Variants in MEGF10 observed in about 807,000 individuals in gnomAD.
MEGF10 encodes multiple EGF like domains 10.
A neutral mutation model predicts 147.5 loss-of-function variants in MEGF10; 86 were observed. That is an observed-to-expected ratio of 0.58 (90% CI 0.49 to 0.70). The LOEUF (loss-of-function observed/expected upper bound fraction) is 0.70. Among genes scored for constraint, MEGF10 ranks in the 30% least tolerant of loss-of-function variants. The pLI, the probability that MEGF10 is intolerant of heterozygous loss-of-function variation, is 0.00. For synonymous variants in MEGF10, 478 were observed against 525.5 expected (o/e 0.91, Z 1.24); for missense variants, 1,329 against 1,487.3 (o/e 0.89, Z 1.75).
intron 2 of MEGF10, 90 bp downstream of exon 2, chr5:127,331,514 T>G: frequency 1.3e-6 from 1 of 742,480 alleles, no homozygotes; most frequent in Non-Finnish European, 2.2e-6. Context: ...AATTAGAATT[T>G]GTGAAGAGAT....
chr5:127,448,787 GTTCT>G (rs1346991685), intron 21 of MEGF10, among the ~76,000 whole-genome samples: 1 of 146,974 alleles, frequency 6.8e-6, no homozygotes, highest in African/African-American at 2.5e-5. Context: ...TAGACCAAGA[GTTCT>G]TTTTTTTTTT....
chr5:127,363,212 A>G (rs1405347929), intron 4 of MEGF10, among the ~76,000 whole-genome samples: 1 of 152,172 alleles, frequency 6.6e-6, no homozygotes, highest in Non-Finnish European at 1.5e-5. Flanking sequence ...TAATTTAGTA[A>G]CTGACTCACC....
At chr5:127,271,779 C>T in the MEGF10 span, among the ~76,000 whole-genome samples, 9 of 152,180 alleles carry the variant, frequency 5.9e-5, no homozygotes, top group East Asian at 3.9e-4. Context: ...TTGTAAGTTT[C>T]CTGAGGCCTC....
At chr5:127,355,616 C>T (rs1354595412) in intron 4 of MEGF10, among the ~76,000 whole-genome samples, 1 of 152,182 alleles carries the variant, frequency 6.6e-6, no homozygotes, top group Non-Finnish European at 1.5e-5. Context: ...AATTTTCCCA[C>T]ACATCTATCG....
intron 22 of MEGF10, among the ~76,000 whole-genome samples, chr5:127,451,656 G>A (rs1231151978): frequency 6.6e-6 from 1 of 152,192 alleles, no homozygotes; most frequent in Non-Finnish European, 1.5e-5. Context: ...AGAAGATACG[G>A]CATCACTGTA....
chr5:127,398,854 TCAGTGCATACA>T (rs1764024036), intron 7 of MEGF10, 58 bp downstream of exon 7: 2 of 1,609,714 alleles, frequency 1.2e-6, no homozygotes, highest in Non-Finnish European at 1.7e-6. Flanking sequence ...TCCAGGATAC[TCAGTGCATACA>T]CATGCAGGAG....
At chr5:127,247,769 A>C in the MEGF10 span, among the ~76,000 whole-genome samples, 1 of 152,048 alleles carries the variant, frequency 6.6e-6, no homozygotes, top group Non-Finnish European at 1.5e-5. Flanking sequence ...AGACCAAGTG[A>C]AGATCATTAG....
chr5:127,364,302 A>G lies in MEGF10; in HGVS notation c.320-5608A>G, dbSNP rs1018202451. Among the ~76,000 whole-genome samples, 4 of 152,242 alleles carry G rather than the reference A, an allele frequency of 2.6e-5. No individual in the cohort carries two copies. In the East Asian group the frequency reaches 7.7e-4, roughly 29 times the overall value. ...GTTAACCCACAGCCCTAGACAACCA[A>G]CTAATATCCTGTCTATCCATATGGA... On this transcript the variant is annotated intron_variant, in intron 4 of 24. Transcript: ENST00000503335.
At chr5:127,257,648 C>T in the MEGF10 span, among the ~76,000 whole-genome samples, 1 of 152,108 alleles carries the variant, frequency 6.6e-6, no homozygotes, top group Non-Finnish European at 1.5e-5. Context: ...TTTATTTTGC[C>T]AAGGTTAGGG....
chr5:127,292,696 C>T (rs1205671142), intron 1 of MEGF10, among the ~76,000 whole-genome samples: 3 of 150,712 alleles, frequency 2.0e-5, no homozygotes, highest in Non-Finnish European at 4.4e-5. Context: ...CTACTTGGAA[C>T]AGGTGAGGAG....
rs776403063 is a variant in MEGF10 at position 127,434,692 on chromosome 5, T to A, written c.1846T>A (p.Ser616Thr). Residue 616 changes from serine (S) to threonine (T), a missense_variant, in exon 15 of 25, where the codon TCC (serine) becomes ACC (threonine). This residue lies in a region of MEGF10 where 980 missense variants were observed against 1,085.9 expected (regional missense o/e 0.90). Transcript: ENST00000503335. ...FRGTTCQRIC[S>T]PGFYGHRCSQ... ...GATTTCCCTTCTGTTTTCAGTCTGC[T>A]CCCCTGGTTTTTATGGGCATCGCTG... The A allele has an allele frequency of 1.2e-6, 2 of 1,610,450 alleles. No homozygotes were observed. The highest frequency in any genetic ancestry group is 2.2e-5 in the South Asian group (2 of 90,556).
chr5:127,241,135 A>G, the MEGF10 span, among the ~76,000 whole-genome samples: 1 of 152,206 alleles, frequency 6.6e-6, no homozygotes, highest in Non-Finnish European at 1.5e-5. Context: ...AGGCACTGAT[A>G]TTTATATAAC....
chr5:127,372,979 T>G (rs147380755), intron 5 of MEGF10, among the ~76,000 whole-genome samples: 1 of 152,374 alleles, frequency 6.6e-6, no homozygotes, highest in East Asian at 1.9e-4. Context: ...AATATCTGCC[T>G]ATATTATTTG....
chr5:127,230,724 C>A, the MEGF10 span, among the ~76,000 whole-genome samples: 5 of 152,162 alleles, frequency 3.3e-5, no homozygotes, highest in South Asian at 1.0e-3. Context: ...GAGACTGAGG[C>A]ACGTGGAATC....
chr5:127,273,977 C>A, the MEGF10 span, among the ~76,000 whole-genome samples: 1 of 152,140 alleles, frequency 6.6e-6, no homozygotes, highest in Admixed American at 6.5e-5. Context: ...GACCATGTGA[C>A]CTTAATGAAC....
intron 5 of MEGF10, among the ~76,000 whole-genome samples, chr5:127,376,624 G>A (rs73344999): frequency 0.055 from 8,370 of 152,162 alleles, 489 homozygotes; most frequent in African/African-American, 0.15. Context: ...TGATATAAAA[G>A]GGGGCAGAAG....
At chr5:127,235,605 G>A in the MEGF10 span, among the ~76,000 whole-genome samples, 252 of 152,214 alleles carry the variant, frequency 1.7e-3, 1 homozygote, top group African/African-American at 5.8e-3. Context: ...TTATATTATC[G>A]TGTTTTCATT....
intron 5 of MEGF10, among the ~76,000 whole-genome samples, chr5:127,381,478 A>C (rs1462811948): frequency 6.6e-6 from 1 of 152,138 alleles, no homozygotes; most frequent in Non-Finnish European, 1.5e-5. Flanking sequence ...CCGTGCTCAG[A>C]GTGAAGTGAT....
intron 1 of MEGF10, among the ~76,000 whole-genome samples, chr5:127,328,429 C>T (rs1410201941): frequency 1.3e-5 from 2 of 152,088 alleles, no homozygotes; most frequent in African/African-American, 2.4e-5. Context: ...ATGGTACCTG[C>T]GACTTTTCAA....
Sources: allele counts gnomAD v4.1 joint callset (sites outside exome capture counted in the v4.1 genomes callset), GRCh38; gene constraint gnomAD v4.1.1; regional missense constraint gnomAD v4.1.1; transcripts MANE v1.5; gene names NCBI Gene and HGNC (gene_info 2026-07-23, HGNC 2026-07-21).